Variants in WWOX observed in about 807,000 individuals in gnomAD.
The protein encoded by WWOX is WW domain containing oxidoreductase, also known as WW domain-containing oxidoreductase.
WWOX carries 69 observed loss-of-function variants against 46.2 expected under a neutral mutation model. The ratio of observed to expected loss-of-function variants is 1.49; its 90% CI spans 1.23 to 1.82. WWOX has a LOEUF of 1.82. Ranked by LOEUF, WWOX falls within the 40% of genes most tolerant of loss-of-function variation. The pLI is 0.00. For missense variants in WWOX, 919 were observed against 542.6 expected (o/e 1.69, Z -6.89); for synonymous variants, 359 against 202.6 (o/e 1.77, Z -6.56).
chr16:78,718,645 C>T (rs969294874), intron 8 of WWOX, among the ~76,000 whole-genome samples: 1 of 151,956 alleles, frequency 6.6e-6, no homozygotes, highest in Admixed American at 6.6e-5. Flanking sequence ...GATTTTGAGG[C>T]TACCCTGAGC....
chr16:78,737,049 A>G (rs1381363158), intron 8 of WWOX, among the ~76,000 whole-genome samples: 1 of 151,918 alleles, frequency 6.6e-6, no homozygotes, highest in Non-Finnish European at 1.5e-5. Context: ...AGTGGGTTAT[A>G]TGTCTATTTT....
chr16:78,512,939 T>A (rs1004740538), intron 8 of WWOX, among the ~76,000 whole-genome samples: 2 of 152,224 alleles, frequency 1.3e-5, no homozygotes, highest in Admixed American at 6.5e-5. Context: ...GGAAGGCCCA[T>A]TAGTGAAAAG....
At chr16:78,114,760 T>G (rs1395164555) in intron 3 of WWOX, among the ~76,000 whole-genome samples, 1 of 151,608 alleles carries the variant, frequency 6.6e-6, no homozygotes, top group Admixed American at 6.6e-5. Context: ...TTATAGGCAG[T>G]TCTGAAGGAA....
chr16:78,850,572 C>T (rs781314102), intron 8 of WWOX, among the ~76,000 whole-genome samples: 1 of 152,076 alleles, frequency 6.6e-6, no homozygotes, highest in Non-Finnish European at 1.5e-5. Flanking sequence ...GTCCCCTCTC[C>T]CCCATTGTTT....
At chr16:78,708,126 G>C (rs969220257) in intron 8 of WWOX, among the ~76,000 whole-genome samples, 2 of 152,066 alleles carry the variant, frequency 1.3e-5, no homozygotes, top group African/African-American at 4.8e-5. Context: ...AGGAATTTGA[G>C]GCTGCAGTGA....
At chr16:79,015,109 CA>C (rs1334376300) in intron 8 of WWOX, among the ~76,000 whole-genome samples, 2 of 152,178 alleles carry the variant, frequency 1.3e-5, no homozygotes, top group East Asian at 3.9e-4. Flanking sequence ...GGCCACAGGA[CA>C]CTACTGTGCA....
intron 8 of WWOX, among the ~76,000 whole-genome samples, chr16:79,173,894 C>G (rs2050749686): frequency 6.6e-6 from 1 of 152,124 alleles, no homozygotes; most frequent in Non-Finnish European, 1.5e-5. Context: ...GATATATTAT[C>G]TACATAGATA....
In WWOX at chr16:78,807,359, C is replaced by G. The variant is rs145197577; in HGVS notation, c.1056+374607C>G. Among the ~76,000 whole-genome samples the G allele has an allele frequency of 8.7e-3, 1,318 of 152,304 alleles. 6 individuals are homozygous for G. Among genetic ancestry groups the G allele is most frequent in the Middle Eastern group, 0.014 (4 of 294 alleles). ...ACCCAGTGAATCTAAAACAAGAGGA[C>G]CAGAGCAGAAGTAAAACTATTCTTG... On this transcript the variant is annotated intron_variant, in intron 8 of 8. Transcript: ENST00000566780.
chr16:78,807,387 C>G (rs1054805946), intron 8 of WWOX, among the ~76,000 whole-genome samples: 1 of 152,208 alleles, frequency 6.6e-6, no homozygotes, highest in African/African-American at 2.4e-5. Flanking sequence ...TATTCTTGTT[C>G]TTCTAAGCTT....
chr16:78,559,884 C>A (rs559697970), intron 8 of WWOX, among the ~76,000 whole-genome samples: 1 of 152,328 alleles, frequency 6.6e-6, no homozygotes, highest in Non-Finnish European at 1.5e-5. Context: ...TACTTTACCT[C>A]AATTTATGAC....
intron 8 of WWOX, among the ~76,000 whole-genome samples, chr16:79,104,960 G>A (rs1336725508): frequency 2.0e-5 from 3 of 152,164 alleles, no homozygotes; most frequent in Admixed American, 2.0e-4. Flanking sequence ...GTCAGGGGGA[G>A]GGTGCACCTG....
intron 8 of WWOX, among the ~76,000 whole-genome samples, chr16:79,022,059 A>C (rs2047544726): frequency 6.6e-6 from 1 of 152,224 alleles, no homozygotes; most frequent in Non-Finnish European, 1.5e-5. Context: ...GGCAAAGACA[A>C]AGAGAGATGG....
chr16:78,831,929 C>G (rs915506127), intron 8 of WWOX, among the ~76,000 whole-genome samples: 1 of 152,188 alleles, frequency 6.6e-6, no homozygotes, highest in Non-Finnish European at 1.5e-5. Flanking sequence ...CTTCCTCTTT[C>G]CTCACTTTTG....
At chr16:79,206,056 G>A (rs1034666249) in intron 8 of WWOX, 4 of 152,134 alleles carry the variant, frequency 2.6e-5, no homozygotes, top group Non-Finnish European at 4.4e-5. Flanking sequence ...ATCATCGAAG[G>A]GGGTGCTGAG....
intron 8 of WWOX, among the ~76,000 whole-genome samples, chr16:79,156,857 G>C (rs1418250179): frequency 1.4e-5 from 2 of 140,862 alleles, no homozygotes; most frequent in South Asian, 2.2e-4. Flanking sequence ...TTCTCTACAG[G>C]CTGAAGGAAA....
At chr16:78,875,393 C>T (rs1001252725) in intron 8 of WWOX, among the ~76,000 whole-genome samples, 2 of 152,122 alleles carry the variant, frequency 1.3e-5, no homozygotes, top group African/African-American at 4.8e-5. Flanking sequence ...GTGTCTAGTC[C>T]AAATTAGTAT....
intron 6 of WWOX, among the ~76,000 whole-genome samples, chr16:78,404,770 C>G (rs1340867577): frequency 1.3e-5 from 2 of 152,166 alleles, no homozygotes; most frequent in East Asian, 3.9e-4. Context: ...CGACCAGCCC[C>G]CATCCTTACT....
intron 6 of WWOX, among the ~76,000 whole-genome samples, chr16:78,422,355 G>A (rs983985418): frequency 6.8e-6 from 1 of 147,076 alleles, no homozygotes; most frequent in Non-Finnish European, 1.5e-5. Context: ...TGTGAAAAGT[G>A]TCTTTTTTTT....
At chr16:78,674,771 G>C (rs898851461) in intron 8 of WWOX, among the ~76,000 whole-genome samples, 1 of 151,734 alleles carries the variant, frequency 6.6e-6, no homozygotes, top group African/African-American at 2.4e-5. Context: ...GTAATGGAAG[G>C]ACATGTACTC....
Sources: allele counts gnomAD v4.1 joint callset (sites outside exome capture counted in the v4.1 genomes callset), GRCh38; gene constraint gnomAD v4.1.1; transcripts MANE v1.5; gene names NCBI Gene and HGNC (gene_info 2026-07-23, HGNC 2026-07-21).